The following RALB variants were observed in gnomAD, a reference collection of about 807,000 sequenced individuals.
The protein encoded by RALB is RAS like proto-oncogene B, also known as ras-related protein Ral-B.
RALB carries 16 observed loss-of-function variants against 21.3 expected under a neutral mutation model. That is an observed-to-expected ratio of 0.75 (90% CI 0.51 to 1.14). RALB has a LOEUF of 1.14. Among genes scored for constraint, RALB ranks in the 50% most tolerant of loss-of-function variants. RALB has a pLI of 0.00. For missense variants in RALB, 161 were observed against 256.2 expected (o/e 0.63, Z 2.54); for synonymous variants, 93 against 96.1 (o/e 0.97, Z 0.19).
In RALB at chr2:120,272,240, A is replaced by G. The variant is rs575669257; in HGVS notation, c.-47-6378A>G. 5.3e-5 allele frequency among the ~76,000 whole-genome samples: 8 copies of G among 152,250 alleles called. No homozygotes were observed. In the East Asian group the frequency reaches 1.3e-3, roughly 26 times the overall value. ...CTTCTCTTATAAGTGCACCCATTGA[A>G]TAGGATCAGGGCCCTACCCTTATGA... On this transcript the variant is annotated intron_variant, in intron 1 of 4. Transcript: ENST00000272519.
At chr2:120,273,304 C>G (rs1442400214) in intron 1 of RALB, among the ~76,000 whole-genome samples, 2 of 151,146 alleles carry the variant, frequency 1.3e-5, no homozygotes, top group Non-Finnish European at 3.0e-5. Flanking sequence ...GAGTTCACCT[C>G]TGGATGGTGG....
At chr2:120,271,464 C>T (rs1689664136) in intron 1 of RALB, among the ~76,000 whole-genome samples, 1 of 152,222 alleles carries the variant, frequency 6.6e-6, no homozygotes, top group Non-Finnish European at 1.5e-5. Flanking sequence ...GATTCAGTGC[C>T]TTACAAGCTA....
intron 2 of RALB, 119 bp from the exon 3 acceptor site, chr2:120,285,755 A>G: frequency 7.9e-6 from 6 of 761,442 alleles, no homozygotes; most frequent in South Asian, 3.5e-5. Flanking sequence ...GTTACGTAAA[A>G]TGTTGCTTCT....
At chr2:120,280,596 T>C (rs1689965076) in intron 2 of RALB, among the ~76,000 whole-genome samples, 2 of 151,950 alleles carry the variant, frequency 1.3e-5, no homozygotes, top group African/African-American at 4.8e-5. Context: ...AAATACCTAA[T>C]GCATGTGGGG....
intron 3 of RALB, among the ~76,000 whole-genome samples, chr2:120,289,048 G>T (rs150127591): frequency 3.9e-5 from 6 of 152,070 alleles, no homozygotes; most frequent in African/African-American, 4.8e-5. Context: ...TTCACTGCAG[G>T]GGGGAGAAAC....
chr2:120,271,845 T>C (rs1689672813), intron 1 of RALB, among the ~76,000 whole-genome samples: 1 of 152,212 alleles, frequency 6.6e-6, no homozygotes, highest in Non-Finnish European at 1.5e-5. Context: ...AAATGCTTTA[T>C]TTATAGAAGT....
intron 1 of RALB, among the ~76,000 whole-genome samples, chr2:120,242,924 A>T (rs1688917036): frequency 6.6e-6 from 1 of 152,160 alleles, no homozygotes; most frequent in African/African-American, 2.4e-5. Context: ...TTTTTTAAAA[A>T]GTAAATAAAA....
intron 1 of RALB, among the ~76,000 whole-genome samples, chr2:120,240,915 G>C (rs73948751): frequency 0.038 from 5,825 of 152,250 alleles, 370 homozygotes; most frequent in African/African-American, 0.13. Context: ...TAGACAGAGA[G>C]AGCTGGGTTT....
intron 1 of RALB, among the ~76,000 whole-genome samples, chr2:120,241,463 T>G (rs1688893893): frequency 6.6e-6 from 1 of 152,184 alleles, no homozygotes; most frequent in African/African-American, 2.4e-5. Context: ...TGGTGGCTCA[T>G]GCCTGTAATC....
chr2:120,260,463 G>A (rs1255298488), intron 1 of RALB, among the ~76,000 whole-genome samples: 1 of 152,260 alleles, frequency 6.6e-6, no homozygotes, highest in Non-Finnish European at 1.5e-5. Context: ...GTGAGCCTGG[G>A]GCCAGGAGAG....
intron 1 of RALB, among the ~76,000 whole-genome samples, chr2:120,244,480 C>G (rs962624322): frequency 1.3e-5 from 2 of 152,230 alleles, no homozygotes. Context: ...CAGCGGGAGA[C>G]TGGCACTGTC....
At chr2:120,275,829 G>A (rs1689779213) in intron 1 of RALB, among the ~76,000 whole-genome samples, 1 of 152,196 alleles carries the variant, frequency 6.6e-6, no homozygotes, top group African/African-American at 2.4e-5. Context: ...CACACCAAGG[G>A]TGAGGTTTAG....
At chr2:120,268,143 C>A (rs2104609328) in intron 1 of RALB, among the ~76,000 whole-genome samples, 1 of 152,294 alleles carries the variant, frequency 6.6e-6, no homozygotes, top group East Asian at 1.9e-4. Flanking sequence ...CTGCAGGCCA[C>A]CAAATTTTAC....
At chr2:120,240,656 CT>C (rs1232201961) in intron 1 of RALB, among the ~76,000 whole-genome samples, 4 of 152,284 alleles carry the variant, frequency 2.6e-5, no homozygotes, top group Non-Finnish European at 5.9e-5. Flanking sequence ...AAGCTTCCCC[CT>C]GGATGGGAAG....
At chr2:120,263,911 G>A (rs190261921) in intron 1 of RALB, among the ~76,000 whole-genome samples, 47 of 152,130 alleles carry the variant, frequency 3.1e-4, no homozygotes, top group African/African-American at 9.9e-4. Flanking sequence ...GCAATGGTGC[G>A]ATCTCGGCTC....
chr2:120,242,863 G>A (rs1297907345), intron 1 of RALB, among the ~76,000 whole-genome samples: 3 of 152,128 alleles, frequency 2.0e-5, no homozygotes, highest in Non-Finnish European at 2.9e-5. Context: ...ATCACTTGAG[G>A]CCATGAGTTC....
chr2:120,287,838 A>C (rs573219285), intron 3 of RALB, among the ~76,000 whole-genome samples: 1 of 152,258 alleles, frequency 6.6e-6, no homozygotes, highest in Admixed American at 6.5e-5. Flanking sequence ...ACCTCTGCGT[A>C]GGTTTCTCAT....
intron 1 of RALB, among the ~76,000 whole-genome samples, chr2:120,257,701 T>C (rs981233735): frequency 2.6e-5 from 4 of 152,236 alleles, no homozygotes; most frequent in African/African-American, 9.6e-5. Flanking sequence ...GCACTTCCTC[T>C]GCTTCCTATT....
chr2:120,279,788 A>G (rs1345689961), intron 2 of RALB, among the ~76,000 whole-genome samples: 4 of 152,304 alleles, frequency 2.6e-5, no homozygotes, highest in African/African-American at 7.2e-5. Context: ...TTGCGAAAGA[A>G]AGCTATCACA....
Sources: gnomAD v4.1 joint callset for allele counts (sites outside exome capture counted in the v4.1 genomes callset) on GRCh38, gnomAD v4.1.1 for gene constraint, MANE v1.5 for transcripts, NCBI Gene and HGNC (gene_info 2026-07-23, HGNC 2026-07-21) for gene names.